CCDC178: variants seen among roughly 807,000 people sequenced by gnomAD.
CCDC178 encodes the protein coiled-coil domain containing 178, also known as coiled-coil domain-containing protein 178.
CCDC178 carries 126 observed loss-of-function variants against 117.4 expected under a neutral mutation model. That is an observed-to-expected ratio of 1.07 (90% CI 0.93 to 1.24). The LOEUF (loss-of-function observed/expected upper bound fraction) is 1.24. Ranked by LOEUF, CCDC178 falls within the 50% of genes most tolerant of loss-of-function variation. The pLI is 0.00. For synonymous variants in CCDC178, 283 were observed against 313.4 expected (o/e 0.90, Z 1.02); for missense variants, 1,030 against 986.9 (o/e 1.04, Z -0.59).
intron 22 of CCDC178, among the ~76,000 whole-genome samples, chr18:32,951,324 G>A (rs1490441885): frequency 1.3e-5 from 2 of 152,104 alleles, no homozygotes; most frequent in African/African-American, 4.8e-5. Flanking sequence ...ACCCAAAACT[G>A]GGTAATTTAT....
chr18:33,191,628 T>G (rs1329914058), intron 20 of CCDC178, among the ~76,000 whole-genome samples: 1 of 152,162 alleles, frequency 6.6e-6, no homozygotes, highest in South Asian at 2.1e-4. Flanking sequence ...TTCACAGATA[T>G]GCATTGAAGA....
intron 20 of CCDC178, among the ~76,000 whole-genome samples, chr18:33,181,306 C>T (rs1177534625): frequency 6.6e-6 from 1 of 151,934 alleles, no homozygotes; most frequent in Non-Finnish European, 1.5e-5. Flanking sequence ...GAGGAGTGCT[C>T]AGCTGTGAAC....
At chr18:33,276,100 A>G (rs1157705278) in intron 12 of CCDC178, among the ~76,000 whole-genome samples, 1 of 152,074 alleles carries the variant, frequency 6.6e-6, no homozygotes. Flanking sequence ...TGGACTTCTC[A>G]GACATGATGT....
At chr18:33,217,330 T>C (rs1048930090) in intron 18 of CCDC178, among the ~76,000 whole-genome samples, 2 of 152,066 alleles carry the variant, frequency 1.3e-5, no homozygotes, top group African/African-American at 4.8e-5. Context: ...TCTATTCTTG[T>C]GTTTTATTTC....
Position 33,346,324 on chromosome 18 carries a change from G to T in CCDC178, c.545C>A (p.Ala182Glu), listed in dbSNP as rs373863286. Residue 182 changes from alanine to glutamate, a missense_variant, in exon 9 of 23, where the codon GCA becomes GAA. Transcript: ENST00000383096. The part of the protein sequence containing the change: ...RLIKSLETDR[A>E]DAEEALKQQR... ...TTGTTTTAAAGCTTCTTCAGCGTCT[G>T]CCCGGTCAGTTTCTAGACTTTTAAT... The T allele has an allele frequency of 3.1e-6, 5 of 1,613,038 alleles. No individual in the cohort carries two copies. The South Asian group carries it at 3.3e-5, about 11-fold the overall frequency.
chr18:33,394,951 A>G (rs887027527), intron 4 of CCDC178, among the ~76,000 whole-genome samples: 1,253 of 111,790 alleles, frequency 0.011, 26 homozygotes, highest in African/African-American at 0.021. Flanking sequence ...GTGTATATAT[A>G]TATATATATA....
intron 11 of CCDC178, among the ~76,000 whole-genome samples, chr18:33,304,774 C>G (rs751879984): frequency 1.3e-5 from 2 of 152,122 alleles, no homozygotes; most frequent in Non-Finnish European, 2.9e-5. Flanking sequence ...CATTTTCATG[C>G]TAAATGACCC....
chr18:33,151,259 A>T (rs534353908), intron 20 of CCDC178, among the ~76,000 whole-genome samples: 2 of 152,296 alleles, frequency 1.3e-5, no homozygotes, highest in South Asian at 4.1e-4. Flanking sequence ...AGCAATAAAT[A>T]AATAAATAAA....
intron 2 of CCDC178, among the ~76,000 whole-genome samples, chr18:33,438,586 A>AAACAGACATG (rs2064326315): frequency 6.6e-6 from 1 of 151,982 alleles, no homozygotes; most frequent in Non-Finnish European, 1.5e-5. Flanking sequence ...ATTGTGCAGA[A>AAACAGACATG]AACAGACATG....
At chr18:33,343,283 G>A (rs2062840728) in intron 9 of CCDC178, among the ~76,000 whole-genome samples, 1 of 152,058 alleles carries the variant, frequency 6.6e-6, no homozygotes, top group Admixed American at 6.6e-5. Flanking sequence ...TATAATATAG[G>A]TACTCTTTTA....
At chr18:33,065,249 G>A (rs948177450) in intron 21 of CCDC178, among the ~76,000 whole-genome samples, 2 of 152,078 alleles carry the variant, frequency 1.3e-5, no homozygotes, top group Admixed American at 6.5e-5. Flanking sequence ...GATGCTTTGT[G>A]TCCTCACCGC....
At chr18:33,369,158 A>G (rs1467833511) in intron 6 of CCDC178, among the ~76,000 whole-genome samples, 1 of 152,038 alleles carries the variant, frequency 6.6e-6, no homozygotes, top group Non-Finnish European at 1.5e-5. Flanking sequence ...CACAATGCTG[A>G]TATAGAATGA....
At chr18:33,016,244 T>C (rs2055986646) in intron 21 of CCDC178, among the ~76,000 whole-genome samples, 2 of 152,018 alleles carry the variant, frequency 1.3e-5, no homozygotes, top group African/African-American at 2.4e-5. Context: ...AAAAATACTG[T>C]CAACTAAGAA....
intron 20 of CCDC178, among the ~76,000 whole-genome samples, chr18:33,144,762 T>A (rs555204454): frequency 6.6e-6 from 1 of 152,096 alleles, no homozygotes; most frequent in Non-Finnish European, 1.5e-5. Context: ...AACAGAAAAG[T>A]CAGCAGAATA....
chr18:33,155,282 G>A (rs2058380995), intron 20 of CCDC178, among the ~76,000 whole-genome samples: 1 of 151,878 alleles, frequency 6.6e-6, no homozygotes, highest in Non-Finnish European at 1.5e-5. Flanking sequence ...AAAAGAAACT[G>A]AATGGGAAAT....
intron 20 of CCDC178, among the ~76,000 whole-genome samples, chr18:33,156,434 C>A (rs1662565150): frequency 6.6e-6 from 1 of 150,518 alleles, no homozygotes; most frequent in South Asian, 2.1e-4. Context: ...GGAAATATCA[C>A]CCATAAAGGA....
chr18:33,411,909 G>T, intron 3 of CCDC178, 122 bp downstream of exon 3: 1 of 494,088 alleles, frequency 2.0e-6, no homozygotes, highest in Non-Finnish European at 3.7e-6. Flanking sequence ...AGTAAGTTTT[G>T]GTTTTGTGAC....
chr18:33,269,874 C>A (rs2059865702), intron 12 of CCDC178, among the ~76,000 whole-genome samples: 1 of 151,482 alleles, frequency 6.6e-6, no homozygotes, highest in Non-Finnish European at 1.5e-5. Context: ...ATAGACTATG[C>A]AGAATAAAAA....
chr18:33,088,646 C>T (rs973507338), intron 21 of CCDC178, among the ~76,000 whole-genome samples: 1 of 152,058 alleles, frequency 6.6e-6, no homozygotes, highest in African/African-American at 2.4e-5. Flanking sequence ...GAATGAATTA[C>T]AAGTGTTCTA....
Sources: gnomAD v4.1 joint callset for allele counts (sites outside exome capture counted in the v4.1 genomes callset) on GRCh38, gnomAD v4.1.1 for gene constraint, MANE v1.5 for transcripts, NCBI Gene and HGNC (gene_info 2026-07-23, HGNC 2026-07-21) for gene names.